Variants in ALAD observed in about 807,000 individuals in gnomAD.
The protein encoded by ALAD is aminolevulinate dehydratase.
A neutral mutation model predicts 44.4 loss-of-function variants in ALAD; 20 were observed. That is an observed-to-expected ratio of 0.45 (90% CI 0.32 to 0.65). ALAD has a LOEUF of 0.65. Among genes scored for constraint, ALAD ranks in the 30% least tolerant of loss-of-function variants. ALAD has a pLI of 0.05. For synonymous variants in ALAD, 156 were observed against 167.9 expected (o/e 0.93, Z 0.55); for missense variants, 323 against 445.7 (o/e 0.72, Z 2.48).
intron 2 of ALAD, chr9:113,392,466 A>C: frequency 1.5e-6 from 1 of 666,048 alleles, no homozygotes. Context: ...CTTGCTTTCT[A>C]TCCCAGCCAC....
intron 9 of ALAD, 37 bp downstream of exon 9, chr9:113,389,562 G>T (rs955527533): frequency 6.2e-6 from 10 of 1,614,012 alleles, no homozygotes; most frequent in Non-Finnish European, 6.8e-6. Flanking sequence ...GTGCCTAGGA[G>T]GGGGCTGAGG....
At chr9:113,392,439 T>G in intron 2 of ALAD, 1 of 969,782 alleles carries the variant, frequency 1.0e-6, no homozygotes. Flanking sequence ...GAACTTGGAC[T>G]CTGAATTTGG....
chr9:113,389,524 C>T lies in ALAD; in HGVS notation c.715G>A (p.Asp239Asn), dbSNP rs752186527. The T allele has an allele frequency of 5.8e-5, 93 of 1,614,010 alleles. No homozygotes were observed. Among genetic ancestry groups the T allele is most frequent in the Non-Finnish European group, 7.5e-5 (89 of 1,180,032 alleles). Reference sequence around the variant, plus strand: ...TCAGCTCCTTCCCGTACATCCCGGTCCTAAGGGATGAGGGTATAATGTGGG... The same window carrying T: ...TCAGCTCCTTCCCGTACATCCCGGTTCTAAGGGATGAGGGTATAATGTGGG... The part of the protein sequence containing the change: ...GARGLALRAV[D>N]RDVREGADML... The change falls in exon 10 of 12, where the codon GAC becomes AAC. Residue 239 changes from aspartate to asparagine, a missense_variant and splice_region_variant. Coordinates refer to ENST00000409155, the MANE Select transcript of ALAD (RefSeq NM_000031.6).
chr9:113,389,946 T>C, intron 7 of ALAD, 118 bp from the exon 8 acceptor site: 2 of 1,276,172 alleles, frequency 1.6e-6, no homozygotes, highest in Non-Finnish European at 1.1e-6. Flanking sequence ...TCTGGTCCTG[T>C]TGGAGTGCTG....
chr9:113,393,488 G>A lies in ALAD; in HGVS notation c.72C>T (p.Thr24=), dbSNP rs1805314. The change falls in exon 2 of 12, where the codon ACC becomes ACT. Residue 24 remains threonine, a synonymous_variant. Coordinates refer to ENST00000409155, the MANE Select transcript of ALAD (RefSeq NM_000031.6). ...PLLRAWQTAT[T]TLNASNLIYP... is the part of the protein sequence containing the mutation. ...AGATGAGGTTGGAGGCATTGAGGGT[G>A]GTGGTGGCTGTCTGCCAGGCCCGAA... 9.2e-4 allele frequency: 1,484 copies of A among 1,614,118 alleles called. 22 individuals carry two copies. The South Asian group carries it at 0.011, about 12-fold the overall frequency.
At chr9:113,391,666 A>G (rs1827590674) in intron 3 of ALAD, 43 bp from the exon 4 acceptor site, 1 of 1,526,228 alleles carries the variant, frequency 6.6e-7, no homozygotes, top group Non-Finnish European at 9.1e-7. Context: ...GGCAGGTCCC[A>G]GGCAACGGTC....
chr9:113,391,782 A>G lies in ALAD; in HGVS notation c.165-159T>C, dbSNP rs78113419. Among the ~76,000 whole-genome samples, 1,304 of 152,300 alleles carry G rather than the reference A, an allele frequency of 8.6e-3. 26 individuals are homozygous for G. The highest frequency in any genetic ancestry group is 0.03 in the African/African-American group (1,238 of 41,550). ...GAAGGGGCAGGGATGCATCCACTAA[A>G]TAGGAGGGAAGACTGAGGCCCTGAG... On this transcript the variant is annotated intron_variant, in intron 3 of 11. Coordinates refer to ENST00000409155, the MANE Select transcript of ALAD (RefSeq NM_000031.6).
At position 113,392,140 on chromosome 9, in the gene ALAD, G is replaced by C; in HGVS notation, c.143C>G (p.Thr48Ser). Residue 48 changes from threonine to serine, a missense_variant, in exon 3 of 12, where the codon ACC (threonine) becomes AGC (serine). Physicochemically the swap from Thr to Ser is moderately conservative, Grantham distance 58. Coordinates refer to ENST00000409155, the MANE Select transcript of ALAD (RefSeq NM_000031.6). ...CTACCTGGCCACTCCTGGGAGGCTG[G>C]TGATAGGCTGTATGTCATCAGGAAC... is the stretch of plus-strand genomic sequence containing the variant. ...TDVPDDIQPI[T>S]SLPGVARYGV... 6.2e-7 allele frequency: 1 copy of C among 1,613,840 alleles called. No homozygotes were observed. Among genetic ancestry groups the C allele is most frequent in the South Asian group, 1.1e-5 (1 of 91,018 alleles).
rs1163801064 is a variant in ALAD at position 113,386,709 on chromosome 9, C to G, written c.*1591G>C. ...CAGCTTGGCTGTTTTCTGTGCAGTT[C>G]TAATCCAGTTCTGCCACAAACTTGT... On this transcript the variant is annotated 3_prime_UTR_variant, in exon 12 of 12. Transcript: ENST00000409155. 1 of 152,214 alleles carries G rather than the reference C, an allele frequency of 6.6e-6. No individual in the cohort carries two copies. The highest frequency in any genetic ancestry group is 1.5e-5 in the Non-Finnish European group (1 of 68,052). 9.4% of individuals were successfully genotyped at this position (152,214 alleles called of 1,614,324 possible). A position where few individuals can be genotyped will look rare whatever the true frequency, so the allele number is the denominator to read the frequency against.
At chr9:113,391,051 G>C (rs1346921522) in intron 4 of ALAD, 118 bp from the exon 5 acceptor site, 1 of 1,389,358 alleles carries the variant, frequency 7.2e-7, no homozygotes, top group East Asian at 2.3e-5. Context: ...CACAGCCCCT[G>C]GATAAGGAAG....
Position 113,388,033 on chromosome 9 carries a change from G to C in ALAD, c.*267C>G. On this transcript the variant is annotated 3_prime_UTR_variant, in exon 12 of 12. Transcript: ENST00000409155. The stretch of plus-strand genomic sequence containing the variant: ...GCTTTCAAGCTGAAGCCACACCAGA[G>C]GAAAGAGCTGAGGGTGGCAAAGGTG... 1 of 510,486 alleles carries C rather than the reference G, an allele frequency of 2.0e-6. No individual in the cohort carries two copies. The highest frequency in any genetic ancestry group is 3.6e-6 in the Non-Finnish European group (1 of 280,248). 31.6% of individuals were successfully genotyped at this position (510,486 alleles called of 1,614,324 possible). A position where few individuals can be genotyped will look rare whatever the true frequency, so the allele number is the denominator to read the frequency against.
chr9:113,393,578 CAGGGGCAT>C lies in ALAD; in HGVS notation c.-27_-20del, dbSNP rs1315968458. ...GCTGCATGGCGTGGGCCAGTGGGCA[CAGGGGCAT>C]CAGTTGGTTGGAACCGAGGGCTCCT... On this transcript the variant is annotated 5_prime_UTR_variant, in exon 2 of 12. The change abolishes an upstream ATG in the 5' untranslated region. Coordinates refer to ENST00000409155, the MANE Select transcript of ALAD (RefSeq NM_000031.6). The C allele has an allele frequency of 6.2e-7, 1 of 1,604,002 alleles. No homozygotes were observed. Among genetic ancestry groups the C allele is most frequent in the African/African-American group, 1.3e-5 (1 of 74,706 alleles).
rs554948302 is a variant in ALAD, at chr9:113,390,289, T to A, written c.570+116A>T. The A allele has an allele frequency of 8.3e-5, 90 of 1,090,584 alleles. No individual in the cohort carries two copies. In the South Asian group the frequency reaches 1.1e-3, roughly 14 times the overall value. 67.6% of individuals were successfully genotyped at this position (1,090,584 alleles called of 1,614,324 possible). A position where few individuals can be genotyped will look rare whatever the true frequency, so the allele number is the denominator to read the frequency against. The stretch of plus-strand genomic sequence containing the variant: ...TACCTGCCTCAGCCTCCCAAAGTGC[T>A]GGGACTACAGGTGTGAGCCAACACG... On this transcript the variant is annotated intron_variant, in intron 7 of 11. Coordinates refer to ENST00000409155, the MANE Select transcript of ALAD (RefSeq NM_000031.6).
chr9:113,388,057 T>C lies in ALAD; in HGVS notation c.*243A>G. 1.8e-6 allele frequency: 1 copy of C among 556,290 alleles called. No individual in the cohort carries two copies. Among genetic ancestry groups the C allele is most frequent in the Non-Finnish European group, 3.3e-6 (1 of 306,630 alleles). 34.5% of individuals were successfully genotyped at this position (556,290 alleles called of 1,614,324 possible). On this transcript the variant is annotated 3_prime_UTR_variant, in exon 12 of 12. Transcript: ENST00000409155. The stretch of plus-strand genomic sequence containing the variant: ...AGGAAAGAGCTGAGGGTGGCAAAGG[T>C]GGGCCTCACGGCTGACCCAGGGGAG...
chr9:113,393,251 A>C (rs1043753174), intron 2 of ALAD, 196 bp downstream of exon 2: 1 of 618,906 alleles, frequency 1.6e-6, no homozygotes, highest in African/African-American at 1.8e-5. Flanking sequence ...GGGATGAATG[A>C]GTTCTTTCAA....
chr9:113,400,623 G>A (rs1183724596), intron 1 of ALAD, among the ~76,000 whole-genome samples: 4 of 152,132 alleles, frequency 2.6e-5, no homozygotes, highest in Non-Finnish European at 5.9e-5. Context: ...GGGAGTTCGA[G>A]ACTAGCCTGA....
Position 113,389,113 on chromosome 9 carries a change from G to A in ALAD, c.802-7C>T. On this transcript the variant is annotated splice_polypyrimidine_tract_variant and splice_region_variant and intron_variant, in intron 10 of 11. Transcript: ENST00000409155. ...CGAGAGGGAGGTCAGGGTGCTGCAG[G>A]GAAGCAGACAGGGAGACAGGCTGAA... The A allele has an allele frequency of 6.2e-7, 1 of 1,613,956 alleles. No homozygotes were observed. Among genetic ancestry groups the A allele is most frequent in the Admixed American group, 1.7e-5 (1 of 60,020 alleles).
chr9:113,397,905 G>A (rs557597583), intron 1 of ALAD, among the ~76,000 whole-genome samples: 14 of 152,268 alleles, frequency 9.2e-5, no homozygotes, highest in East Asian at 5.8e-4. Flanking sequence ...GATTACAGGC[G>A]TGAGCCACCG....
At chr9:113,391,064 C>T in intron 4 of ALAD, 131 bp from the exon 5 acceptor site, 1 of 1,284,988 alleles carries the variant, frequency 7.8e-7, no homozygotes, top group Non-Finnish European at 1.1e-6. Context: ...TAAGGAAGCA[C>T]AGAGGACTGA....
Sources: gnomAD v4.1 joint callset for allele counts (sites outside exome capture counted in the v4.1 genomes callset) on GRCh38, gnomAD v4.1.1 for gene constraint, MANE v1.5 for transcripts, NCBI Gene and HGNC (gene_info 2026-07-23, HGNC 2026-07-21) for gene names.